NXPE3: variants seen among roughly 807,000 people sequenced by gnomAD.
The protein encoded by NXPE3 is NXPE family member 3.
In NXPE3, 26 loss-of-function variants were observed where a neutral mutation model predicts 46.1. The ratio of observed to expected loss-of-function variants is 0.56; its 90% CI spans 0.41 to 0.78. The LOEUF (loss-of-function observed/expected upper bound fraction) is 0.78, where lower values mean the gene tolerates loss of function less well. NXPE3 is among the 30% of genes least tolerant of loss of function. NXPE3 has a pLI of 0.00. For missense variants in NXPE3, 620 were observed against 686.0 expected (o/e 0.90, Z 1.07); for synonymous variants, 272 against 257.9 (o/e 1.05, Z -0.52).
intron 4 of NXPE3, among the ~76,000 whole-genome samples, chr3:101,796,429 G>A (rs2107279921): frequency 1.3e-5 from 2 of 152,294 alleles, no homozygotes; most frequent in Middle Eastern, 3.4e-3. Flanking sequence ...AAATTCAGGG[G>A]AATTACCACC....
chr3:101,779,992 G>A (rs1300120149), intron 1 of NXPE3: 2 of 152,266 alleles, frequency 1.3e-5, no homozygotes, highest in Non-Finnish European at 2.9e-5. Flanking sequence ...GGCCACTAGG[G>A]TGGTAATAAG....
intron 6 of NXPE3, among the ~76,000 whole-genome samples, chr3:101,815,243 A>G (rs1941920812): frequency 6.6e-6 from 1 of 152,252 alleles, no homozygotes; most frequent in Non-Finnish European, 1.5e-5. Flanking sequence ...TGTTCATTAT[A>G]TATAAAGACT....
rs142119657 is a variant in NXPE3, at chr3:101,787,404, T to G, written c.93+1715T>G. On this transcript the variant is annotated intron_variant, in intron 4 of 7. Coordinates refer to ENST00000273347, the MANE Select transcript of NXPE3 (RefSeq NM_145037.4). The stretch of plus-strand genomic sequence containing the variant: ...TCACTGCAACCTCTGCCTCCTGGGT[T>G]CAAGCGATTCTCATGCCTCAGCCTT... Among the ~76,000 whole-genome samples the G allele has an allele frequency of 6.1e-3, 926 of 152,280 alleles. 10 individuals carry two copies. The highest frequency in any genetic ancestry group is 0.021 in the African/African-American group (890 of 41,574).
At chr3:101,800,177 T>C (rs13094911) in intron 4 of NXPE3, among the ~76,000 whole-genome samples, 46,801 of 152,006 alleles carry the variant, frequency 0.31, 7,410 homozygotes, top group Non-Finnish European at 0.34. Context: ...TGTTTTTCTT[T>C]CCTAAAATAT....
chr3:101,820,685 A>G (rs1024088334), intron 7 of NXPE3, among the ~76,000 whole-genome samples: 3 of 152,246 alleles, frequency 2.0e-5, no homozygotes, highest in African/African-American at 7.2e-5. Flanking sequence ...ACCATGGAAT[A>G]CTATGCAGCC....
intron 4 of NXPE3, among the ~76,000 whole-genome samples, chr3:101,793,627 CTTTTTTTTTTTTTT>C: frequency 5.2e-5 from 1 of 19,392 alleles, no homozygotes; most frequent in African/African-American, 1.8e-4. Flanking sequence ...TTGACAAGGT[CTTTTTTTTTTTTTT>C]TTTTTTTTTT....
intron 3 of NXPE3, among the ~76,000 whole-genome samples, chr3:101,784,581 C>A (rs1050567414): frequency 6.6e-6 from 1 of 152,154 alleles, no homozygotes; most frequent in Non-Finnish European, 1.5e-5. Context: ...CTGTGTCCTG[C>A]CCTTCATGGA....
chr3:101,816,912 T>A lies in NXPE3; in HGVS notation c.1040T>A (p.Ile347Asn). The stretch of plus-strand genomic sequence containing the variant: ...CGTCAGTTTAATGACCCTGACAACA[T>A]TACAGAGTGCTTACAAAGAAAAGTG... ...KMRQFNDPDN[I>N]TECLQRKVVH... The change falls in exon 7 of 8, where the codon ATT becomes AAT. Residue 347 changes from isoleucine to asparagine, a missense_variant. By Grantham distance (149) the Ile-to-Asn change is moderately radical. This residue lies in a region of NXPE3 where 511 missense variants were observed against 528.6 expected (regional missense o/e 0.97). Transcript: ENST00000273347. The A allele has an allele frequency of 1.9e-6, 3 of 1,614,124 alleles. No homozygotes were observed. Among genetic ancestry groups the A allele is most frequent in the Non-Finnish European group, 2.5e-6 (3 of 1,179,986 alleles).
rs1166101331 is a variant in NXPE3 at position 101,815,304 on chromosome 3, AGTTT to A, written c.923-1487_923-1484del. Among the ~76,000 whole-genome samples the A allele has an allele frequency of 2.0e-5, 3 of 152,236 alleles. No individual in the cohort carries two copies. In the East Asian group the frequency reaches 5.8e-4, roughly 29 times the overall value. ...ATAATCCGTTAGATTGTCTGCCATT[AGTTT>A]GTTCTCCATATTAAGTGGTGTTTTT... is the stretch of plus-strand genomic sequence containing the variant. On this transcript the variant is annotated intron_variant, in intron 6 of 7. Coordinates refer to ENST00000273347, the MANE Select transcript of NXPE3 (RefSeq NM_145037.4).
At chr3:101,793,982 ACT>A (rs771034811) in intron 4 of NXPE3, among the ~76,000 whole-genome samples, 101 of 151,482 alleles carry the variant, frequency 6.7e-4, no homozygotes, top group Non-Finnish European at 1.2e-3. Context: ...CAGCCTGGAA[ACT>A]CTCTCAAGAC....
At chr3:101,818,504 A>G (rs1942064078) in intron 7 of NXPE3, among the ~76,000 whole-genome samples, 1 of 151,716 alleles carries the variant, frequency 6.6e-6, no homozygotes, top group Non-Finnish European at 1.5e-5. Context: ...ACGTCCCACC[A>G]TATACTTTAC....
At chr3:101,818,009 G>A (rs1026782290) in intron 7 of NXPE3, among the ~76,000 whole-genome samples, 5 of 152,042 alleles carry the variant, frequency 3.3e-5, no homozygotes, top group Non-Finnish European at 7.4e-5. Context: ...TCCCACCTCA[G>A]CCTCCCAAGC....
chr3:101,821,365 T>TTTGAAGGTTTTTATG, intron 7 of NXPE3, 39 bp from the exon 8 acceptor site: 1 of 1,575,854 alleles, frequency 6.3e-7, no homozygotes, highest in Non-Finnish European at 8.7e-7. Flanking sequence ...ATGTGCTTGG[T>TTTGAAGGTTTTTATG]TTGAAGGTTT....
chr3:101,808,136 G>C (rs1180283274), intron 6 of NXPE3, among the ~76,000 whole-genome samples: 1 of 152,166 alleles, frequency 6.6e-6, no homozygotes, highest in Admixed American at 6.5e-5. Flanking sequence ...GGCTGAGCAA[G>C]AAAGTTTTAA....
At chr3:101,818,751 ATATTTTTTTTTTTT>A (rs1942109057) in intron 7 of NXPE3, among the ~76,000 whole-genome samples, 2 of 11,618 alleles carry the variant, frequency 1.7e-4, no homozygotes, top group Non-Finnish European at 3.1e-4. Flanking sequence ...ATATATATAT[ATATTTTTTTTTTTT>A]TTTTTTTTTT....
chr3:101,787,374 T>C (rs981031426), intron 4 of NXPE3, among the ~76,000 whole-genome samples: 1 of 152,222 alleles, frequency 6.6e-6, no homozygotes, highest in Non-Finnish European at 1.5e-5. Flanking sequence ...TGGCACGATC[T>C]TGTCTCACTG....
At chr3:101,803,917 G>A (rs551630697) in intron 5 of NXPE3, among the ~76,000 whole-genome samples, 7 of 152,268 alleles carry the variant, frequency 4.6e-5, no homozygotes, top group South Asian at 2.1e-4. Context: ...ACCATACCCC[G>A]TTAGAGTTGT....
intron 1 of NXPE3, chr3:101,781,857 C>T (rs1009052844): frequency 3.3e-5 from 5 of 152,038 alleles, no homozygotes; most frequent in Non-Finnish European, 7.4e-5. Context: ...ACTTATATCG[C>T]TGTTTATAAA....
rs1942520441 is a variant in NXPE3 at position 101,827,066 on chromosome 3, G to A, written c.*5112G>A. On this transcript the variant is annotated 3_prime_UTR_variant, in exon 8 of 8. Coordinates refer to ENST00000273347, the MANE Select transcript of NXPE3 (RefSeq NM_145037.4). ...AAATAAATAAATAAAAAATAAAAAA[G>A]TGTGAACTTAAATATATTTATATGT... 1 of 152,100 alleles carries A rather than the reference G, an allele frequency of 6.6e-6. No individual in the cohort carries two copies. The highest frequency in any genetic ancestry group is 2.1e-4 in the South Asian group (1 of 4,830). 9.4% of individuals were successfully genotyped at this position (152,100 alleles called of 1,614,324 possible). A position where few individuals can be genotyped will look rare whatever the true frequency, so the allele number is the denominator to read the frequency against.
Sources: allele counts gnomAD v4.1 joint callset (sites outside exome capture counted in the v4.1 genomes callset), GRCh38; gene constraint gnomAD v4.1.1; regional missense constraint gnomAD v4.1.1; transcripts MANE v1.5; gene names NCBI Gene and HGNC (gene_info 2026-07-23, HGNC 2026-07-21).